Variants in MYO18B observed in about 807,000 individuals in gnomAD.
MYO18B encodes unconventional myosin-XVIIIb.
In MYO18B, 204 loss-of-function variants were observed where a neutral mutation model predicts 273.0. The observed-to-expected ratio is 0.75, with a 90% confidence interval of 0.67 to 0.84. The LOEUF (loss-of-function observed/expected upper bound fraction) is 0.84, where lower values mean the gene tolerates loss of function less well. MYO18B is among the 40% of genes least tolerant of loss of function. MYO18B has a pLI of 0.00. For missense variants in MYO18B, 3,212 were observed against 3,287.6 expected (o/e 0.98, Z 0.56); for synonymous variants, 1,330 against 1,305.7 (o/e 1.02, Z -0.40).
Position 25,772,399 on chromosome 22 carries a change from T to C in MYO18B, c.1758T>C (p.Ser586=). 6.2e-7 allele frequency: 1 copy of C among 1,614,020 alleles called. No homozygotes were observed. The highest frequency in any genetic ancestry group is 1.7e-5 in the Admixed American group (1 of 60,034). Residue 586 remains serine, a synonymous_variant, in exon 7 of 44, where the codon AGT becomes AGC. Coordinates refer to ENST00000335473, the MANE Select transcript of MYO18B (RefSeq NM_032608.7). The part of the protein sequence containing the change: ...LASLISVNES[S]VLNTLLQRYK... ...CTCTCATCAGTGTCAACGAATCCAG[T>C]GTCCTGAACACGCTTCTGCAGCGCT...
chr22:26,026,715 A>G lies in MYO18B; in HGVS notation c.6741A>G (p.Ser2247=), dbSNP rs1286083706. The part of the protein sequence containing the change: ...PLSREKLPSP[S]AALSEFVEGL... ...CGAGGGAAAAGCTGCCCAGTCCTTCAGCGGCCCTCTCGGAGTTCGTGGAAG... is the reference window on the plus strand; with the variant it reads ...CGAGGGAAAAGCTGCCCAGTCCTTCGGCGGCCCTCTCGGAGTTCGTGGAAG... Residue 2247 remains serine (S), a synonymous_variant, in exon 43 of 44, where the codon TCA becomes TCG. Transcript: ENST00000335473. 1 of 1,613,814 alleles carries G rather than the reference A, an allele frequency of 6.2e-7. No individual in the cohort carries two copies. Among genetic ancestry groups the G allele is most frequent in the Non-Finnish European group, 8.5e-7 (1 of 1,179,852 alleles).
At chr22:25,869,856 G>T (rs1285776279) in intron 22 of MYO18B, among the ~76,000 whole-genome samples, 1 of 152,232 alleles carries the variant, frequency 6.6e-6, no homozygotes, top group Non-Finnish European at 1.5e-5. Flanking sequence ...GGCGGAACCT[G>T]TTATTCCGCT....
chr22:25,965,122 T>C (rs1034843642), intron 39 of MYO18B: 1 of 152,284 alleles, frequency 6.6e-6, no homozygotes, highest in African/African-American at 2.4e-5. Flanking sequence ...GGCAAAGTCA[T>C]AAATAGTTAA....
chr22:25,952,562 A>G, intron 38 of MYO18B, 139 bp downstream of exon 38: 1 of 1,158,940 alleles, frequency 8.6e-7, no homozygotes. Context: ...TTCTCACCCA[A>G]GCTCCCTCCC....
At chr22:25,989,966 C>T (rs2093246878) in intron 39 of MYO18B, among the ~76,000 whole-genome samples, 1 of 152,154 alleles carries the variant, frequency 6.6e-6, no homozygotes, top group Admixed American at 6.5e-5. Context: ...GGTTGTCTCT[C>T]ACCTTGTCAA....
chr22:25,771,114 G>GC, intron 6 of MYO18B, 130 bp downstream of exon 6: 1 of 696,408 alleles, frequency 1.4e-6, no homozygotes. Flanking sequence ...TTGGCTTGAT[G>GC]CCCTGGAGGG....
chr22:25,797,085 G>A (rs2087948114), intron 11 of MYO18B, among the ~76,000 whole-genome samples: 1 of 152,170 alleles, frequency 6.6e-6, no homozygotes, highest in African/African-American at 2.4e-5. Flanking sequence ...AAATTAGCTG[G>A]GTGTGGTGGC....
intron 12 of MYO18B, among the ~76,000 whole-genome samples, chr22:25,821,894 T>G (rs2089295514): frequency 6.6e-6 from 1 of 152,230 alleles, no homozygotes; most frequent in Non-Finnish European, 1.5e-5. Flanking sequence ...TCCCTTTACC[T>G]AGCTGTGATG....
chr22:25,829,370 C>G (rs186944017), intron 15 of MYO18B, among the ~76,000 whole-genome samples: 1 of 152,166 alleles, frequency 6.6e-6, no homozygotes, highest in East Asian at 1.9e-4. Flanking sequence ...GCTCCACACC[C>G]CTCTGCAGCA....
rs1697075854 is a variant in MYO18B, at chr22:25,846,118, A to C, written c.3387A>C (p.Leu1129=). The C allele has an allele frequency of 6.9e-6, 11 of 1,584,256 alleles. No homozygotes were observed. Among genetic ancestry groups the C allele is most frequent in the Non-Finnish European group, 9.4e-6 (11 of 1,168,100 alleles). ...HQSKREELRS[L]FQARAKLPPV... ...CCACCAGAGAGGAGCTGCGGAGTCT[A>C]TTCCAGGCCCGGGCCAAGCTGCCTC... Residue 1129 remains leucine, a synonymous_variant, in exon 19 of 44, where the codon CTA becomes CTC. Coordinates refer to ENST00000335473, the MANE Select transcript of MYO18B (RefSeq NM_032608.7).
chr22:25,799,131 T>TTGTGTGTGTGTGTG (rs61488241), intron 12 of MYO18B, among the ~76,000 whole-genome samples: 5,080 of 145,190 alleles, frequency 0.035, 123 homozygotes, highest in Non-Finnish European at 0.05. Context: ...GTGTTTACGT[T>TTGTGTGTGTGTGTG]TGTGTGTGTG....
intron 39 of MYO18B, among the ~76,000 whole-genome samples, chr22:25,962,899 G>A (rs768460700): frequency 3.2e-4 from 48 of 152,202 alleles, no homozygotes; most frequent in African/African-American, 8.9e-4. Flanking sequence ...CCAGGTTGCC[G>A]GAGAGTCAGA....
At chr22:25,912,902 A>G (rs977824312) in intron 33 of MYO18B, among the ~76,000 whole-genome samples, 4 of 152,052 alleles carry the variant, frequency 2.6e-5, no homozygotes, top group Non-Finnish European at 4.4e-5. Flanking sequence ...GTCCCCCTCT[A>G]TGTTATGTTT....
intron 22 of MYO18B, among the ~76,000 whole-genome samples, chr22:25,869,820 G>A (rs889139669): frequency 1.2e-4 from 19 of 152,130 alleles, no homozygotes; most frequent in Admixed American, 9.2e-4. Flanking sequence ...TCTCCCCACT[G>A]GCCTCTTGGT....
intron 9 of MYO18B, among the ~76,000 whole-genome samples, chr22:25,780,433 T>C (rs1391939186): frequency 6.6e-6 from 1 of 151,332 alleles, no homozygotes; most frequent in African/African-American, 2.4e-5. Context: ...TCTACTAAGA[T>C]GCAAAAATTA....
intron 42 of MYO18B, 65 bp downstream of exon 42, chr22:26,004,920 T>A (rs1934303923): frequency 2.1e-5 from 33 of 1,591,372 alleles, no homozygotes; most frequent in Non-Finnish European, 2.7e-5. Context: ...CTTTGAAAGT[T>A]GTTGTTCAAG....
At position 26,027,762 on chromosome 22, in the gene MYO18B, C is replaced by T; in HGVS notation, c.*12+72C>T. On this transcript the variant is annotated intron_variant, in intron 43 of 43. Transcript: ENST00000335473. This position sits in a 1 kb window ranked among gnomAD's most constrained non-coding sequence, Gnocchi z 4.1. ...CTTGCAGCCTTGGGGAGAGCAGGTG[C>T]CACTACTGTCCTTAATGCCACAACC... 7.1e-7 allele frequency: 1 copy of T among 1,416,012 alleles called. No homozygotes were observed. Among genetic ancestry groups the T allele is most frequent in the Non-Finnish European group, 9.4e-7 (1 of 1,065,266 alleles). The allele number at this position is 1,416,012 out of a possible 1,614,324, so 87.7% of individuals were successfully genotyped here.
At chr22:26,028,059 C>T (rs1936395570) in intron 43 of MYO18B, among the ~76,000 whole-genome samples, 1 of 151,978 alleles carries the variant, frequency 6.6e-6, no homozygotes, top group Non-Finnish European at 1.5e-5. Context: ...GACTGGCCAA[C>T]AGGGTGAAAC....
intron 27 of MYO18B, among the ~76,000 whole-genome samples, chr22:25,892,964 T>C (rs925104269): frequency 9.9e-5 from 15 of 152,176 alleles, no homozygotes; most frequent in African/African-American, 3.4e-4. Flanking sequence ...GGGGTGTTAA[T>C]GAGAGGGGGA....
Sources: allele counts gnomAD v4.1 joint callset (sites outside exome capture counted in the v4.1 genomes callset), GRCh38; gene constraint gnomAD v4.1.1; non-coding constraint Gnocchi (gnomAD v3.1); transcripts MANE v1.5; gene names NCBI Gene and HGNC (gene_info 2026-07-23, HGNC 2026-07-21).